Variants in SLC43A2 observed in about 807,000 individuals in gnomAD.
SLC43A2 encodes solute carrier family 43 member 2, also known as large neutral amino acids transporter small subunit 4.
SLC43A2 carries 38 observed loss-of-function variants against 63.2 expected under a neutral mutation model. That is an observed-to-expected ratio of 0.60 (90% CI 0.46 to 0.79). The LOEUF is 0.79. Among genes scored for constraint, SLC43A2 ranks in the 30% least tolerant of loss-of-function variants. SLC43A2 has a pLI of 0.00. For missense variants in SLC43A2, 644 were observed against 756.2 expected (o/e 0.85, Z 1.74); for synonymous variants, 322 against 331.0 (o/e 0.97, Z 0.30).
upstream of SLC43A2, among the ~76,000 whole-genome samples, chr17:1,629,448 C>G (rs1908988055): frequency 6.6e-6 from 1 of 152,166 alleles, no homozygotes; most frequent in Non-Finnish European, 1.5e-5. Flanking sequence ...CCCGGTCCAG[C>G]CGTGGCGCCC....
intron 13 of SLC43A2, among the ~76,000 whole-genome samples, chr17:1,576,197 T>C (rs535328818): frequency 4.6e-5 from 7 of 151,018 alleles, no homozygotes; most frequent in South Asian, 4.2e-4. Context: ...GATTCTCCTG[T>C]CTCAGCCTCC....
chr17:1,590,308 GTC>G (rs938276201), intron 9 of SLC43A2, among the ~76,000 whole-genome samples: 25 of 152,180 alleles, frequency 1.6e-4, no homozygotes, highest in African/African-American at 6.0e-4. Context: ...CTCCGAGGAA[GTC>G]TCTGCCCTGC....
intron 10 of SLC43A2, among the ~76,000 whole-genome samples, chr17:1,584,639 CCT>C (rs1021785530): frequency 1.8e-4 from 26 of 146,676 alleles, no homozygotes; most frequent in African/African-American, 6.2e-4. Context: ...CTGTGAAACC[CCT>C]GTCTCTACTA....
rs1418499683 is a variant in SLC43A2, at chr17:1,573,583, C to T, written c.*2021G>A. On this transcript the variant is annotated 3_prime_UTR_variant, in exon 14 of 14. Transcript: ENST00000301335. ...CAGAATAACCACTAACATCACAAAA[C>T]GAGTGTTCTCAGGAGTGGGCATGTT... 2.0e-5 allele frequency: 3 copies of T among 152,128 alleles called. No homozygotes were observed. The highest frequency in any genetic ancestry group is 2.1e-4 in the South Asian group (1 of 4,832). The allele number at this position is 152,128 out of a possible 1,614,324, so 9.4% of individuals were successfully genotyped here. A position where few individuals can be genotyped will look rare whatever the true frequency, so the allele number is the denominator to read the frequency against.
chr17:1,612,764 G>A (rs1218641648), intron 5 of SLC43A2, among the ~76,000 whole-genome samples: 2 of 152,212 alleles, frequency 1.3e-5, no homozygotes, highest in African/African-American at 4.8e-5. Context: ...CTGAGGTCAG[G>A]AGTTTGAGAC....
intron 5 of SLC43A2, among the ~76,000 whole-genome samples, chr17:1,599,272 A>G (rs543912777): frequency 4.5e-4 from 69 of 151,946 alleles, no homozygotes; most frequent in Non-Finnish European, 5.3e-4. Flanking sequence ...CCCAGGGGGC[A>G]GAGGTTGCAA....
At chr17:1,587,269 C>T (rs9893515) in intron 9 of SLC43A2, among the ~76,000 whole-genome samples, 18,706 of 152,156 alleles carry the variant, frequency 0.12, 1,370 homozygotes, top group East Asian at 0.31. Flanking sequence ...GTGACGTTGG[C>T]GGGTAGCGTG....
rs2076046209 is a variant in SLC43A2, at chr17:1,583,154, C to T, written c.1350+50G>A. ...ACACACTTTTGAGTCTTTACATGTT[C>T]CTTCTGACTGCCCCACCTCCCACCT... On this transcript the variant is annotated intron_variant, in intron 11 of 13. Transcript: ENST00000301335. This position sits in a 1 kb window ranked among gnomAD's most constrained non-coding sequence, Gnocchi z 5.5. 1.9e-6 allele frequency: 3 copies of T among 1,588,840 alleles called. No individual in the cohort carries two copies. The highest frequency in any genetic ancestry group is 2.6e-6 in the Non-Finnish European group (3 of 1,158,842).
Position 1,597,895 on chromosome 17 carries a change from C to T in SLC43A2, c.502-4616G>A, listed in dbSNP as rs147408807. Among the ~76,000 whole-genome samples, 864 of 152,374 alleles carry T rather than the reference C, an allele frequency of 5.7e-3. 3 individuals carry two copies. The highest frequency in any genetic ancestry group is 0.014 in the Admixed American group (219 of 15,302). ...TGATGTGCTCACACGTGCCCAGGCA[C>T]GCCCAGGTGAGCAATCTTACTCTCT... On this transcript the variant is annotated intron_variant, in intron 5 of 13. Coordinates refer to ENST00000301335, the MANE Select transcript of SLC43A2 (RefSeq NM_152346.3).
Position 1,602,374 on chromosome 17 carries a change from G to A in SLC43A2, c.502-9095C>T, listed in dbSNP as rs148991784. Among the ~76,000 whole-genome samples, 373 of 152,206 alleles carry A rather than the reference G, an allele frequency of 2.5e-3. 4 individuals are homozygous for A. The highest frequency in any genetic ancestry group is 3.9e-3 in the Non-Finnish European group (267 of 68,016). On this transcript the variant is annotated intron_variant, in intron 5 of 13. Transcript: ENST00000301335. ...AGACATTCATTCACAGGCCGGGCACGGTGGCTCACACCTGTAATCCCAGCA... is the reference window on the plus strand; with the variant it reads ...AGACATTCATTCACAGGCCGGGCACAGTGGCTCACACCTGTAATCCCAGCA...
At chr17:1,576,164 A>G (rs776763134) in intron 13 of SLC43A2, among the ~76,000 whole-genome samples, 1 of 145,072 alleles carries the variant, frequency 6.9e-6, no homozygotes, top group East Asian at 2.0e-4. Context: ...GCTCACTGCA[A>G]TCTCCGCCTC....
chr17:1,609,241 G>A (rs536283663), intron 5 of SLC43A2, among the ~76,000 whole-genome samples: 2 of 152,200 alleles, frequency 1.3e-5, no homozygotes, highest in South Asian at 2.1e-4. Flanking sequence ...TTCACTCGTC[G>A]CCCAGGCCGG....
rs533367915 is a variant in SLC43A2 at position 1,605,912 on chromosome 17, C to T, written c.501+7283G>A. 1.1e-4 allele frequency among the ~76,000 whole-genome samples: 16 copies of T among 152,278 alleles called. No homozygotes were observed. The highest frequency in any genetic ancestry group is 4.1e-4 in the South Asian group (2 of 4,826). ...CGGCCACCTCCTGTGCCTTCCCGGC[C>T]GGGTCCAGTCCTGCCAATACCGCTG... On this transcript the variant is annotated intron_variant, in intron 5 of 13. Transcript: ENST00000301335. The surrounding 1 kb of genome is among the most constrained non-coding windows in gnomAD (Gnocchi z 4.9).
chr17:1,628,557 G>A (rs1908905619), intron 1 of SLC43A2, among the ~76,000 whole-genome samples: 2 of 152,126 alleles, frequency 1.3e-5, no homozygotes, highest in Non-Finnish European at 1.5e-5. Context: ...CCGGTGGCGC[G>A]AGCCAGCCGC....
chr17:1,579,833 G>A (rs1407904734), intron 11 of SLC43A2, among the ~76,000 whole-genome samples: 3 of 151,438 alleles, frequency 2.0e-5, no homozygotes, highest in Non-Finnish European at 4.4e-5. Context: ...GTGAGACCCT[G>A]TCTCAAAAAA....
chr17:1,619,016 C>T (rs12450869), intron 2 of SLC43A2, among the ~76,000 whole-genome samples: 23,274 of 147,978 alleles, frequency 0.16, 2,580 homozygotes, highest in East Asian at 0.41. Context: ...AACAAACAAA[C>T]AGAATCAGGC....
chr17:1,591,151 C>A, intron 8 of SLC43A2, 118 bp downstream of exon 8: 1 of 1,385,290 alleles, frequency 7.2e-7, no homozygotes, highest in East Asian at 2.5e-5. Flanking sequence ...TCCTGAGCGC[C>A]TCTGCAGAAC....
At chr17:1,609,509 AT>A (rs1474604401) in intron 5 of SLC43A2, among the ~76,000 whole-genome samples, 1 of 152,126 alleles carries the variant, frequency 6.6e-6, no homozygotes, top group East Asian at 1.9e-4. Context: ...GCCAGATAAC[AT>A]TTTTAGAAGA....
chr17:1,583,810 G>C lies in SLC43A2; in HGVS notation c.1218-474C>G, dbSNP rs1261457042. ...AATGAGCAGGCAGCAGATGGAACTG[G>C]AGTGGACACAAATAACCTCTTGGCT... On this transcript the variant is annotated intron_variant, in intron 10 of 13. Coordinates refer to ENST00000301335, the MANE Select transcript of SLC43A2 (RefSeq NM_152346.3). The surrounding 1 kb of genome is among the most constrained non-coding windows in gnomAD (Gnocchi z 5.5). The C allele has an allele frequency of 6.1e-6, 1 of 165,134 alleles. No homozygotes were observed. The highest frequency in any genetic ancestry group is 2.4e-5 in the African/African-American group (1 of 41,872). 10.2% of individuals were successfully genotyped at this position (165,134 alleles called of 1,614,324 possible). A position where few individuals can be genotyped will look rare whatever the true frequency, so the allele number is the denominator to read the frequency against.
Sources: allele counts gnomAD v4.1 joint callset (sites outside exome capture counted in the v4.1 genomes callset), GRCh38; gene constraint gnomAD v4.1.1; non-coding constraint Gnocchi (gnomAD v3.1); transcripts MANE v1.5; gene names NCBI Gene and HGNC (gene_info 2026-07-23, HGNC 2026-07-21).